NOC3L: variants seen among roughly 807,000 people sequenced by gnomAD.
The protein encoded by NOC3L is NOC3 like DNA replication regulator.
NOC3L carries 85 observed loss-of-function variants against 102.5 expected under a neutral mutation model. That is an observed-to-expected ratio of 0.83 (90% CI 0.70 to 0.99). NOC3L has a LOEUF of 0.99. Among genes scored for constraint, NOC3L ranks in the 50% least tolerant of loss-of-function variants. NOC3L has a pLI of 0.00. For missense variants in NOC3L, 878 were observed against 914.9 expected (o/e 0.96, Z 0.52); for synonymous variants, 303 against 309.4 (o/e 0.98, Z 0.22).
At chr10:94,336,832 G>C (rs955580936) in intron 19 of NOC3L, among the ~76,000 whole-genome samples, 13 of 151,656 alleles carry the variant, frequency 8.6e-5, no homozygotes, top group Non-Finnish European at 1.8e-4. Flanking sequence ...ACTTTAGGAG[G>C]CCAAGGTAGG....
chr10:94,356,446 C>G, intron 5 of NOC3L, 89 bp downstream of exon 5: 3 of 803,752 alleles, frequency 3.7e-6, no homozygotes, highest in Non-Finnish European at 6.4e-6. Flanking sequence ...CAAAATGTAC[C>G]TTCCAGATTT....
chr10:94,319,864 C>CTTTTTT, the NOC3L span, among the ~76,000 whole-genome samples: 159 of 92,914 alleles, frequency 1.7e-3, 10 homozygotes, highest in African/African-American at 5.7e-3. Context: ...CAAAGGTGCT[C>CTTTTTT]TTTTTTTTTT....
At position 94,337,808 on chromosome 10, in the gene NOC3L, A is replaced by G. The variant is rs779783373; in HGVS notation, c.2158T>C (p.Ser720Pro). 12 of 1,613,876 alleles carry G rather than the reference A, an allele frequency of 7.4e-6. No homozygotes were observed. Among genetic ancestry groups the G allele is most frequent in the African/African-American group, 1.3e-5 (1 of 74,928 alleles). The part of the protein sequence containing the change: ...HLIAGAPSEG[S>P]GALKPELSRR... ...CTCAACTCTGGTTTGAGTGCTCCAG[A>G]GCCTTCAGAAGGTGCTCCAGCGATC... Residue 720 changes from serine to proline, a missense_variant, in exon 19 of 21, where the codon TCT becomes CCT. Ser to Pro is a moderately conservative substitution (Grantham distance 74). Coordinates refer to ENST00000371361, the MANE Select transcript of NOC3L (RefSeq NM_022451.11).
chr10:94,349,996 G>C, intron 9 of NOC3L, 117 bp downstream of exon 9: 1 of 866,266 alleles, frequency 1.2e-6, no homozygotes, highest in Non-Finnish European at 1.8e-6. Context: ...CTGACCTCGT[G>C]ATCTGCCTGC....
chr10:94,324,828 G>A, the NOC3L span: 34,409 of 1,489,206 alleles, frequency 0.023, 738 homozygotes, highest in Non-Finnish European at 0.025. Context: ...TTCTGAAATA[G>A]TGTCATGTGA....
chr10:94,362,413 T>G (rs2054561634), intron 1 of NOC3L, among the ~76,000 whole-genome samples: 1 of 152,140 alleles, frequency 6.6e-6, no homozygotes, highest in African/African-American at 2.4e-5. Flanking sequence ...AATCCCAAAG[T>G]TAGTCCTGAA....
downstream of NOC3L, chr10:94,331,434 T>C (rs1243552806): frequency 6.6e-6 from 1 of 152,240 alleles, no homozygotes; most frequent in Non-Finnish European, 1.5e-5. Context: ...CAGGGCTTGC[T>C]TACTGGCCCA....
At chr10:94,327,350 T>C in the NOC3L span, among the ~76,000 whole-genome samples, 1 of 151,952 alleles carries the variant, frequency 6.6e-6, no homozygotes, top group Non-Finnish European at 1.5e-5. Flanking sequence ...ATCCCAGCAC[T>C]GTGGGAGGCC....
At chr10:94,341,953 A>G (rs761869859) in intron 13 of NOC3L, among the ~76,000 whole-genome samples, 7 of 152,258 alleles carry the variant, frequency 4.6e-5, no homozygotes, top group Non-Finnish European at 1.0e-4. Flanking sequence ...CAGTAGAAAT[A>G]TATAAGGCAC....
chr10:94,338,879 A>G (rs1037821213), intron 17 of NOC3L, 143 bp from the exon 18 acceptor site: 25 of 604,296 alleles, frequency 4.1e-5, no homozygotes, highest in Non-Finnish European at 5.9e-5. Flanking sequence ...ATTTAATAAA[A>G]AACAATTTAA....
chr10:94,339,972 G>T, intron 16 of NOC3L, 52 bp from the exon 17 acceptor site: 1 of 1,469,482 alleles, frequency 6.8e-7, no homozygotes, highest in Middle Eastern at 1.8e-4. Context: ...TTTTCATTAC[G>T]CAACTGGACT....
intron 8 of NOC3L, among the ~76,000 whole-genome samples, chr10:94,351,724 C>T (rs911821648): frequency 1.3e-5 from 2 of 149,842 alleles, no homozygotes; most frequent in Non-Finnish European, 1.5e-5. Context: ...ACAGGAGTCT[C>T]ACTACATTCC....
the NOC3L span, chr10:94,324,577 A>G: frequency 7.5e-6 from 12 of 1,602,638 alleles, no homozygotes; most frequent in Non-Finnish European, 8.5e-6. Context: ...GGTAAAGTTT[A>G]AAGTTATTTT....
chr10:94,345,749 T>C (rs1363130680), intron 11 of NOC3L, among the ~76,000 whole-genome samples: 1 of 152,158 alleles, frequency 6.6e-6, no homozygotes, highest in African/African-American at 2.4e-5. Flanking sequence ...CATTCAAAGA[T>C]GAATATCCCC....
rs2054567093 is a variant in NOC3L at position 94,362,821 on chromosome 10, G to A, written c.9+9C>T. ...AGGCCGCGGCGACCGGGCTTTTGAGGACACTTACCGCCTTCATCCTTAGGC... is the reference window on the plus strand; with the variant it reads ...AGGCCGCGGCGACCGGGCTTTTGAGAACACTTACCGCCTTCATCCTTAGGC... On this transcript the variant is annotated intron_variant, in intron 1 of 20. Transcript: ENST00000371361. The A allele has an allele frequency of 6.2e-7, 1 of 1,614,058 alleles. No individual in the cohort carries two copies. The highest frequency in any genetic ancestry group is 2.2e-5 in the East Asian group (1 of 44,884).
At chr10:94,337,047 C>A (rs751741506) in intron 19 of NOC3L, among the ~76,000 whole-genome samples, 22 of 133,838 alleles carry the variant, frequency 1.6e-4, no homozygotes, top group South Asian at 7.1e-4. Flanking sequence ...CCAGCCTGGA[C>A]AACAGAGTGA....
intron 20 of NOC3L, 35 bp downstream of exon 20, chr10:94,334,599 T>C (rs756382623): frequency 1.3e-6 from 2 of 1,497,418 alleles, no homozygotes; most frequent in Non-Finnish European, 1.8e-6. Context: ...TTGGTTTCTA[T>C]TTCTTCCTTT....
In NOC3L at chr10:94,350,118, T is replaced by C. The variant is rs1436661280; in HGVS notation, c.1123A>G (p.Lys375Glu). 5.0e-6 allele frequency: 8 copies of C among 1,613,888 alleles called. No homozygotes were observed. The highest frequency in any genetic ancestry group is 2.2e-5 in the East Asian group (1 of 44,890). ...AACCATTTACAGCAACTCACCAATT[T>C]TGACATGTCATTCATGAGAGGGACA... is the stretch of plus-strand genomic sequence containing the variant. ...LIVPLMNDMS[K>E]LISEMCCEAV... Residue 375 changes from lysine (K) to glutamate (E), a missense_variant, in exon 9 of 21, where the codon AAA (lysine) becomes GAA (glutamate). Transcript: ENST00000371361.
rs756553998 is a variant in NOC3L, at chr10:94,339,882, G to A, written c.1819C>T (p.Leu607Phe). 6.2e-7 allele frequency: 1 copy of A among 1,614,164 alleles called. No homozygotes were observed. Among genetic ancestry groups the A allele is most frequent in the South Asian group, 1.1e-5 (1 of 91,076 alleles). ...NEGVEIVLQCLDVMLTKRRKQ... is the reference protein window; with the variant it reads ...NEGVEIVLQCFDVMLTKRRKQ... ...CTGCGCTTAGTTAGCATGACATCAA[G>A]GCACTGGAGTACAATCTCAACACCT... is the stretch of plus-strand genomic sequence containing the variant. Residue 607 changes from leucine (L) to phenylalanine (F), a missense_variant, in exon 17 of 21, where the codon CTT (leucine) becomes TTT (phenylalanine). Physicochemically the swap from Leu to Phe is conservative, Grantham distance 22 (BLOSUM62 0). Transcript: ENST00000371361.
Sources: allele counts gnomAD v4.1 joint callset (sites outside exome capture counted in the v4.1 genomes callset), GRCh38; gene constraint gnomAD v4.1.1; transcripts MANE v1.5; gene names NCBI Gene and HGNC (gene_info 2026-07-23, HGNC 2026-07-21).